Variants in ST3GAL1 observed in about 807,000 individuals in gnomAD.
ST3GAL1 encodes the protein CMP-N-acetylneuraminate-beta-galactosamide-alpha-2,3-sialyltransferase 1.
A neutral mutation model predicts 34.1 loss-of-function variants in ST3GAL1; 16 were observed. The ratio of observed to expected loss-of-function variants is 0.47; its 90% confidence interval spans 0.32 to 0.71. ST3GAL1 has a LOEUF of 0.71. Ranked by LOEUF, ST3GAL1 falls within the 30% of genes least tolerant of loss-of-function variation. The pLI is 0.04. For synonymous variants in ST3GAL1, 191 were observed against 184.7 expected, an observed-to-expected ratio of 1.03 and a Z score of -0.28; for missense variants, 353 against 447.4, an observed-to-expected ratio of 0.79 and a Z score of 1.90.
At position 133,570,455 on chromosome 8, in the gene ST3GAL1, T is replaced by G. The variant is rs941578491; in HGVS notation, c.-582+1238A>C. 10 of 151,780 alleles carry G rather than the reference T, an allele frequency of 6.6e-5. No homozygotes were observed. Among genetic ancestry groups the G allele is most frequent in the African/African-American group, 2.2e-4 (9 of 41,252 alleles). The allele number at this position is 151,780 out of a possible 1,614,324, so 9.4% of individuals were successfully genotyped here. ...CCTTGCGCGCTTCTGGGTGCGCACG[T>G]GTCCCCTCGCCCAACACACCACCGA... On this transcript the variant is annotated intron_variant, in intron 1 of 9. Coordinates refer to ENST00000522652, the MANE Select transcript of ST3GAL1 (RefSeq NM_173344.3). The surrounding 1 kb of genome is among the most constrained non-coding windows in gnomAD (Gnocchi z 5.6).
intron 2 of ST3GAL1, among the ~76,000 whole-genome samples, chr8:133,535,445 T>C (rs1429125316): frequency 6.6e-6 from 1 of 152,176 alleles, no homozygotes; most frequent in Non-Finnish European, 1.5e-5. Context: ...CAACCTTGTG[T>C]TGGGCAAGTC....
chr8:133,507,976 A>G (rs1321802504), intron 2 of ST3GAL1, among the ~76,000 whole-genome samples: 1 of 148,528 alleles, frequency 6.7e-6, no homozygotes, highest in Non-Finnish European at 1.5e-5. Flanking sequence ...GCCTCTGGCC[A>G]CAGAGGAGCT....
intron 3 of ST3GAL1, among the ~76,000 whole-genome samples, chr8:133,495,716 C>G (rs1195389058): frequency 6.6e-6 from 1 of 152,180 alleles, no homozygotes; most frequent in African/African-American, 2.4e-5. Flanking sequence ...GTGGATACCC[C>G]AAGCTCGGTG....
Position 133,541,120 on chromosome 8 carries a change from T to TATATATATATAGAGAGAG in ST3GAL1, c.-429+4653_-429+4654insCTCTCTCTATATATATAT, listed in dbSNP as rs71299078. 1.2e-3 allele frequency among the ~76,000 whole-genome samples: 60 copies of TATATATATATAGAGAGAG among 48,644 alleles called. 8 individuals are homozygous for TATATATATATAGAGAGAG. Among genetic ancestry groups the TATATATATATAGAGAGAG allele is most frequent in the African/African-American group, 5.6e-3 (57 of 10,138 alleles). The allele number at this position is 48,644 out of a possible 152,430, so 31.9% of individuals were successfully genotyped here. ...ACATATATATATATATATATATATATAGAGAGAGAGAGAGAGAGAGAGAGA... is the reference window on the plus strand; with the variant it reads ...ACATATATATATATATATATATATATATATATATATAGAGAGAGAGAGAGAGAGAGAGAGAGAGAGAGA... On this transcript the variant is annotated intron_variant, in intron 2 of 9. Coordinates refer to ENST00000522652, the MANE Select transcript of ST3GAL1 (RefSeq NM_173344.3).
intron 2 of ST3GAL1, among the ~76,000 whole-genome samples, chr8:133,506,913 C>A (rs1817359784): frequency 6.6e-6 from 1 of 151,132 alleles, no homozygotes; most frequent in Admixed American, 6.6e-5. Flanking sequence ...CACGGTGAAA[C>A]CCTGTCTCTA....
intron 2 of ST3GAL1, among the ~76,000 whole-genome samples, chr8:133,533,886 C>T (rs557216642): frequency 6.6e-5 from 10 of 152,298 alleles, no homozygotes; most frequent in African/African-American, 2.4e-4. Flanking sequence ...TGATGACATA[C>T]GTTAATATGC....
At chr8:133,480,453 A>C (rs1011573359) in intron 3 of ST3GAL1, among the ~76,000 whole-genome samples, 1 of 152,172 alleles carries the variant, frequency 6.6e-6, no homozygotes, top group African/African-American at 2.4e-5. Flanking sequence ...AATACCCATC[A>C]CAGGCTGGGA....
intron 7 of ST3GAL1, among the ~76,000 whole-genome samples, chr8:133,463,742 T>C (rs541802504): frequency 6.6e-6 from 1 of 152,282 alleles, no homozygotes; most frequent in South Asian, 2.1e-4. Context: ...AGCACAGCCT[T>C]AAGGAGTGGA....
chr8:133,500,546 A>C (rs1817117078), intron 2 of ST3GAL1, among the ~76,000 whole-genome samples: 1 of 152,168 alleles, frequency 6.6e-6, no homozygotes, highest in Non-Finnish European at 1.5e-5. Flanking sequence ...GGCAGTGATG[A>C]GGGTGGGGGG....
chr8:133,548,849 C>A (rs1320519876), intron 1 of ST3GAL1, among the ~76,000 whole-genome samples: 1 of 152,172 alleles, frequency 6.6e-6, no homozygotes, highest in African/African-American at 2.4e-5. Context: ...CCCACTCTTA[C>A]CCCACTGGCT....
chr8:133,541,178 C>G (rs1028775749), intron 2 of ST3GAL1, among the ~76,000 whole-genome samples: 1 of 137,808 alleles, frequency 7.3e-6, no homozygotes, highest in African/African-American at 2.7e-5. Context: ...CTCTTTCTCA[C>G]CCCTAGCTAG....
chr8:133,567,559 T>C (rs544974349), intron 1 of ST3GAL1, among the ~76,000 whole-genome samples: 3 of 152,196 alleles, frequency 2.0e-5, no homozygotes, highest in Non-Finnish European at 4.4e-5. Flanking sequence ...CTGGGGTTCC[T>C]TCTGCAATAT....
At chr8:133,460,777 G>A (rs1815467608) in intron 9 of ST3GAL1, among the ~76,000 whole-genome samples, 1 of 152,174 alleles carries the variant, frequency 6.6e-6, no homozygotes, top group African/African-American at 2.4e-5. Flanking sequence ...CAGAGGAGGT[G>A]GCATGTGAGT....
intron 2 of ST3GAL1, among the ~76,000 whole-genome samples, chr8:133,536,235 G>C: frequency 6.6e-6 from 1 of 152,132 alleles, no homozygotes; most frequent in Middle Eastern, 3.2e-3. Flanking sequence ...GGTCTTGATG[G>C]GGCCCTGAAC....
intron 1 of ST3GAL1, among the ~76,000 whole-genome samples, chr8:133,563,015 T>C (rs1157813534): frequency 6.6e-6 from 1 of 152,102 alleles, no homozygotes; most frequent in African/African-American, 2.4e-5. Flanking sequence ...CTGGATTTGC[T>C]TTGGTTGGGG....
intron 1 of ST3GAL1, among the ~76,000 whole-genome samples, chr8:133,562,140 C>A (rs1819243540): frequency 2.0e-5 from 3 of 151,682 alleles, no homozygotes; most frequent in African/African-American, 7.3e-5. Flanking sequence ...TTCAGACACA[C>A]AGAAGATCTG....
At chr8:133,479,258 T>A (rs1439542375) in intron 3 of ST3GAL1, among the ~76,000 whole-genome samples, 1 of 151,472 alleles carries the variant, frequency 6.6e-6, no homozygotes, top group Non-Finnish European at 1.5e-5. Flanking sequence ...CTCCCAGGCA[T>A]CAATAGGGCC....
Position 133,459,824 on chromosome 8 carries a change from C to T in ST3GAL1, c.963G>A (p.Glu321=), listed in dbSNP as rs1815428836. Residue 321 remains glutamate (E), a synonymous_variant, in exon 10 of 10, where the codon GAG becomes GAA. Coordinates refer to ENST00000522652, the MANE Select transcript of ST3GAL1 (RefSeq NM_173344.3). The surrounding 1 kb of genome is among the most constrained non-coding windows in gnomAD (Gnocchi z 4.7). ...AGGCCAAGGTGGCCGTCACGTTAGA[C>T]TCAAAGTCTGCATCGTGCACCCCCG... The part of the protein sequence containing the change: ...RKTGVHDADF[E]SNVTATLASI... The T allele has an allele frequency of 6.2e-7, 1 of 1,614,002 alleles. No homozygotes were observed. The highest frequency in any genetic ancestry group is 1.3e-5 in the African/African-American group (1 of 74,950).
At chr8:133,526,833 C>T (rs534859428) in intron 2 of ST3GAL1, among the ~76,000 whole-genome samples, 5 of 151,968 alleles carry the variant, frequency 3.3e-5, no homozygotes, top group South Asian at 2.1e-4. Flanking sequence ...GCAGAGTGGG[C>T]GAGGGAGCTG....
Sources: gnomAD v4.1 joint callset for allele counts (sites outside exome capture counted in the v4.1 genomes callset) on GRCh38, gnomAD v4.1.1 for gene constraint, Gnocchi (gnomAD v3.1) non-coding constraint, MANE v1.5 for transcripts, NCBI Gene and HGNC (gene_info 2026-07-23, HGNC 2026-07-21) for gene names.